Variants in STPG2 observed in about 807,000 individuals in gnomAD.
The protein encoded by STPG2 is sperm-tail PG-rich repeat-containing protein 2.
STPG2 carries 56 observed loss-of-function variants against 54.2 expected under a neutral mutation model. That is an observed-to-expected ratio of 1.03 (90% CI 0.83 to 1.29). The LOEUF is 1.29. Among genes scored for constraint, STPG2 ranks in the 50% most tolerant of loss-of-function variants. The probability of loss-of-function intolerance (pLI) is 0.00; values close to 1 mark genes in which losing one functional copy is unlikely to be tolerated. For missense variants in STPG2, 596 were observed against 544.9 expected (o/e 1.09, Z -0.93); for synonymous variants, 200 against 181.8 (o/e 1.10, Z -0.81).
intron 5 of STPG2, among the ~76,000 whole-genome samples, chr4:98,018,759 T>C (rs1736062282): frequency 1.3e-5 from 2 of 152,024 alleles, no homozygotes; most frequent in Admixed American, 6.6e-5. Flanking sequence ...TGCATTTCCC[T>C]GATGGCCAGT....
chr4:97,745,346 T>A (rs962364327), intron 9 of STPG2, among the ~76,000 whole-genome samples: 2 of 151,076 alleles, frequency 1.3e-5, no homozygotes, highest in South Asian at 4.1e-4. Context: ...TTATGACATA[T>A]TTAATTTTAT....
intron 9 of STPG2, among the ~76,000 whole-genome samples, chr4:97,751,977 C>T (rs2149045989): frequency 6.6e-6 from 1 of 151,822 alleles, no homozygotes; most frequent in Admixed American, 6.6e-5. Flanking sequence ...TCCGGACTCC[C>T]AAGTTCTAAT....
chr4:97,894,199 T>A (rs910407506), intron 8 of STPG2, among the ~76,000 whole-genome samples: 6 of 151,956 alleles, frequency 3.9e-5, no homozygotes, highest in Non-Finnish European at 5.9e-5. Context: ...ACTTTTGAAA[T>A]CCATTTTTCA....
In STPG2 at chr4:97,528,050, A is replaced by G. The variant is rs193071356; in HGVS notation, c.462+184649T>C. 4.2e-3 allele frequency among the ~76,000 whole-genome samples: 632 copies of G among 152,036 alleles called. 3 individuals are homozygous for G. The highest frequency in any genetic ancestry group is 0.02 in the South Asian group (98 of 4,820). On this transcript the variant is annotated intron_variant, in intron 4 of 4. Coordinates refer to the STPG2 transcript ENST00000522676. ...GGCTTTTGTTGCCATTGCTTTTGGCATTTTAGTCATGAAGTCTTTGCACAT... is the reference window on the plus strand; with the variant it reads ...GGCTTTTGTTGCCATTGCTTTTGGCGTTTTAGTCATGAAGTCTTTGCACAT...
chr4:97,517,803 G>A (rs1340927087), intron 4 of STPG2, among the ~76,000 whole-genome samples: 1 of 152,018 alleles, frequency 6.6e-6, no homozygotes. Flanking sequence ...CTCAACCCAT[G>A]ATTAAATTGC....
At chr4:97,932,191 T>C (rs1732574030) in intron 8 of STPG2, among the ~76,000 whole-genome samples, 1 of 152,108 alleles carries the variant, frequency 6.6e-6, no homozygotes, top group South Asian at 2.1e-4. Flanking sequence ...AAAAACCAAC[T>C]CCTGGATTCT....
chr4:97,915,228 T>C (rs1158801908), intron 8 of STPG2, among the ~76,000 whole-genome samples: 2 of 152,050 alleles, frequency 1.3e-5, no homozygotes, highest in Admixed American at 1.3e-4. Context: ...TGCCTGCTCT[T>C]AAGGAATTTA....
chr4:97,465,295 C>T (rs1729762353), intron 4 of STPG2, among the ~76,000 whole-genome samples: 1 of 152,100 alleles, frequency 6.6e-6, no homozygotes, highest in Non-Finnish European at 1.5e-5. Flanking sequence ...GTGGCTGTTA[C>T]TGCAACTTGT....
intron 8 of STPG2, among the ~76,000 whole-genome samples, chr4:97,861,641 T>C (rs909981117): frequency 6.6e-6 from 1 of 151,372 alleles, no homozygotes; most frequent in Non-Finnish European, 1.5e-5. Context: ...GAAAATGAAA[T>C]GAAGAAAAAA....
intron 4 of STPG2, among the ~76,000 whole-genome samples, chr4:97,535,181 A>G (rs1731500991): frequency 1.3e-5 from 2 of 152,208 alleles, no homozygotes; most frequent in Non-Finnish European, 2.9e-5. Flanking sequence ...GTAAGTAGAT[A>G]TTTAATTTTA....
intron 9 of STPG2, among the ~76,000 whole-genome samples, chr4:97,759,188 A>G (rs982543342): frequency 6.6e-6 from 1 of 152,146 alleles, no homozygotes; most frequent in Non-Finnish European, 1.5e-5. Context: ...GAAAGAATGG[A>G]GACTGGTGTT....
intron 10 of STPG2, among the ~76,000 whole-genome samples, chr4:97,695,336 A>G (rs1723535337): frequency 6.6e-6 from 1 of 152,176 alleles, no homozygotes; most frequent in African/African-American, 2.4e-5. Context: ...CATAGAAGGA[A>G]CATACCTTAA....
At chr4:98,068,424 G>T (rs897434185) in intron 5 of STPG2, among the ~76,000 whole-genome samples, 1 of 152,070 alleles carries the variant, frequency 6.6e-6, no homozygotes, top group Non-Finnish European at 1.5e-5. Context: ...ATCTCCAGAG[G>T]TTAACAGAGT....
At chr4:98,036,068 C>T (rs920669443) in intron 5 of STPG2, among the ~76,000 whole-genome samples, 5 of 151,918 alleles carry the variant, frequency 3.3e-5, no homozygotes, top group Admixed American at 6.6e-5. Context: ...ATGTTCTGCA[C>T]ATATACCCCA....
At chr4:97,588,825 A>G (rs61456001) in intron 10 of STPG2, among the ~76,000 whole-genome samples, 20,206 of 152,164 alleles carry the variant, frequency 0.13, 4,138 homozygotes, top group African/African-American at 0.44. Context: ...CAATTAAAGT[A>G]TCCAAAAATA....
At chr4:97,500,579 G>A (rs1333706328) in intron 4 of STPG2, among the ~76,000 whole-genome samples, 1 of 152,064 alleles carries the variant, frequency 6.6e-6, no homozygotes, top group Non-Finnish European at 1.5e-5. Flanking sequence ...CAGGGCCTAA[G>A]AGCATTACAG....
chr4:97,564,464 G>T (rs983407893), intron 10 of STPG2, among the ~76,000 whole-genome samples: 19 of 152,182 alleles, frequency 1.2e-4, no homozygotes, highest in African/African-American at 3.9e-4. Flanking sequence ...GTGTGTATTT[G>T]AGCCTGTCAT....
At chr4:97,839,957 G>A (rs1393279391) in intron 9 of STPG2, among the ~76,000 whole-genome samples, 2 of 151,322 alleles carry the variant, frequency 1.3e-5, no homozygotes, top group African/African-American at 4.8e-5. Context: ...ATTTATTGTT[G>A]AAAATGATTG....
intron 5 of STPG2, among the ~76,000 whole-genome samples, chr4:98,097,060 T>A (rs946169740): frequency 6.6e-6 from 1 of 152,072 alleles, no homozygotes; most frequent in African/African-American, 2.4e-5. Context: ...AGAACTAATA[T>A]CAATCCTACT....
Sources: allele counts gnomAD v4.1 joint callset (sites outside exome capture counted in the v4.1 genomes callset), GRCh38; gene constraint gnomAD v4.1.1; transcripts MANE v1.5; gene names NCBI Gene and HGNC (gene_info 2026-07-23, HGNC 2026-07-21).